PRKCA: variants seen among roughly 807,000 people sequenced by gnomAD.
The protein encoded by PRKCA is protein kinase C alpha type.
PRKCA carries 27 observed loss-of-function variants against 87.0 expected under a neutral mutation model. The ratio of observed to expected loss-of-function variants is 0.31; its 90% confidence interval spans 0.23 to 0.43. PRKCA has a LOEUF of 0.43. PRKCA is among the 20% of genes least tolerant of loss of function. The probability of loss-of-function intolerance (pLI) is 1.00; values close to 1 mark genes in which losing one functional copy is unlikely to be tolerated. For missense variants in PRKCA, 518 were observed against 852.3 expected, an observed-to-expected ratio of 0.61 and a Z score of 4.88; for synonymous variants, 329 against 311.1, an observed-to-expected ratio of 1.06 and a Z score of -0.61.
In PRKCA at chr17:66,477,207, G is replaced by A. The variant is rs147560774; in HGVS notation, c.206-18994G>A. Among the ~76,000 whole-genome samples the A allele has an allele frequency of 1.5e-3, 233 of 152,190 alleles. 1 individual carries two copies. Among genetic ancestry groups the A allele is most frequent in the African/African-American group, 5.2e-3 (216 of 41,534 alleles). On this transcript the variant is annotated intron_variant, in intron 2 of 16. Coordinates refer to ENST00000413366, the MANE Select transcript of PRKCA (RefSeq NM_002737.3). ...TAGACCAGAACATTTAGCACAAAGCGAAACCCACAGAAACTTCAAAAGGAA... is the reference window on the plus strand; with the variant it reads ...TAGACCAGAACATTTAGCACAAAGCAAAACCCACAGAAACTTCAAAAGGAA...
chr17:66,429,358 G>T (rs1015332166), intron 2 of PRKCA, among the ~76,000 whole-genome samples: 4 of 151,992 alleles, frequency 2.6e-5, no homozygotes, highest in Non-Finnish European at 5.9e-5. Flanking sequence ...GCATACATGG[G>T]GTTTTACTTT....
rs75790180 is a variant in PRKCA, at chr17:66,326,207, A to G, written c.205+20080A>G. Among the ~76,000 whole-genome samples, 494 of 152,214 alleles carry G rather than the reference A, an allele frequency of 3.2e-3. 1 individual carries two copies. The highest frequency in any genetic ancestry group is 0.011 in the African/African-American group (474 of 41,510). On this transcript the variant is annotated intron_variant, in intron 2 of 16. Coordinates refer to ENST00000413366, the MANE Select transcript of PRKCA (RefSeq NM_002737.3). ...TGACTGGGTTAGTGTTTGAATGTAG[A>G]GCTTCATACTCGTTCATTTTGTTTT...
intron 2 of PRKCA, among the ~76,000 whole-genome samples, chr17:66,313,242 G>T (rs1376286721): frequency 6.6e-6 from 1 of 152,130 alleles, no homozygotes; most frequent in Non-Finnish European, 1.5e-5. Context: ...TTCATAACCA[G>T]AAAGATCACA....
intron 3 of PRKCA, among the ~76,000 whole-genome samples, chr17:66,572,205 G>A (rs1303904609): frequency 2.0e-5 from 3 of 152,212 alleles, no homozygotes; most frequent in Non-Finnish European, 4.4e-5. Context: ...GGTGGCGCAC[G>A]CCTGTAATCC....
chr17:66,775,067 C>T, intron 14 of PRKCA: 1 of 985,448 alleles, frequency 1.0e-6, no homozygotes. Context: ...TGTCCTCATG[C>T]TCTAGGCTGA....
intron 3 of PRKCA, among the ~76,000 whole-genome samples, chr17:66,607,567 A>G (rs1472125772): frequency 1.3e-5 from 2 of 152,228 alleles, no homozygotes; most frequent in Non-Finnish European, 2.9e-5. Flanking sequence ...ATTGATCCCA[A>G]AGAATGTGCG....
chr17:66,472,301 T>G (rs1567846677), intron 2 of PRKCA, among the ~76,000 whole-genome samples: 1 of 152,164 alleles, frequency 6.6e-6, no homozygotes. Flanking sequence ...GAGTGGTACC[T>G]TCTAGACATC....
In PRKCA at chr17:66,634,485, G is replaced by C. The variant is rs533994114; in HGVS notation, c.289-6870G>C. On this transcript the variant is annotated intron_variant, in intron 3 of 16. Coordinates refer to ENST00000413366, the MANE Select transcript of PRKCA (RefSeq NM_002737.3). ...TAAAAAGGAAAATGTTATTAACTTGGTAATAGTGAAGACTTGGTGTGCACC... is the reference window on the plus strand; with the variant it reads ...TAAAAAGGAAAATGTTATTAACTTGCTAATAGTGAAGACTTGGTGTGCACC... 2.0e-5 allele frequency among the ~76,000 whole-genome samples: 3 copies of C among 152,342 alleles called. No individual in the cohort carries two copies. The South Asian group carries it at 6.2e-4, about 32-fold the overall frequency.
intron 3 of PRKCA, among the ~76,000 whole-genome samples, chr17:66,634,943 T>C (rs1971112965): frequency 6.6e-6 from 1 of 152,158 alleles, no homozygotes; most frequent in Non-Finnish European, 1.5e-5. Context: ...TTATCATAAG[T>C]GGCAGAATAT....
chr17:66,519,725 G>A (rs369204586), intron 3 of PRKCA, among the ~76,000 whole-genome samples: 7 of 152,164 alleles, frequency 4.6e-5, no homozygotes, highest in African/African-American at 2.4e-5. Context: ...CTCAGCATCA[G>A]TATCACCTGG....
intron 3 of PRKCA, among the ~76,000 whole-genome samples, chr17:66,617,946 A>C (rs1234231276): frequency 6.6e-6 from 1 of 152,180 alleles, no homozygotes; most frequent in African/African-American, 2.4e-5. Context: ...TGTCATGAAA[A>C]TTTAGTTGCC....
intron 3 of PRKCA, among the ~76,000 whole-genome samples, chr17:66,636,817 C>G (rs17760245): frequency 6.6e-6 from 1 of 152,082 alleles, no homozygotes; most frequent in African/African-American, 2.4e-5. Context: ...AAGGTAAGAG[C>G]TTGTGCCGGG....
At chr17:66,361,821 C>T (rs1349923166) in intron 2 of PRKCA, among the ~76,000 whole-genome samples, 1 of 152,152 alleles carries the variant, frequency 6.6e-6, no homozygotes, top group African/African-American at 2.4e-5. Context: ...GTTAATATTT[C>T]CTGAACATGT....
intron 4 of PRKCA, among the ~76,000 whole-genome samples, chr17:66,644,796 A>T (rs1290664845): frequency 6.6e-6 from 1 of 152,112 alleles, no homozygotes; most frequent in Non-Finnish European, 1.5e-5. Flanking sequence ...CTCAGTGGTA[A>T]GCCCAGAATG....
At chr17:66,726,639 G>A (rs2144179906) in intron 8 of PRKCA, among the ~76,000 whole-genome samples, 1 of 152,238 alleles carries the variant, frequency 6.6e-6, no homozygotes, top group South Asian at 2.1e-4. Flanking sequence ...GAGAGACAGA[G>A]CAGAGCGAGT....
intron 2 of PRKCA, among the ~76,000 whole-genome samples, chr17:66,448,435 C>T (rs891458022): frequency 6.6e-6 from 1 of 152,144 alleles, no homozygotes; most frequent in Non-Finnish European, 1.5e-5. Context: ...TTCTTGAGCC[C>T]TATTAGGCTC....
At chr17:66,748,611 T>A (rs1389141823) in intron 13 of PRKCA, among the ~76,000 whole-genome samples, 1 of 152,146 alleles carries the variant, frequency 6.6e-6, no homozygotes, top group Non-Finnish European at 1.5e-5. Context: ...TGGGACTTGA[T>A]GATCCCTGAG....
At position 66,418,720 on chromosome 17, in the gene PRKCA, G is replaced by A. The variant is rs151126569; in HGVS notation, c.206-77481G>A. ...CTAAAGTGCGGGATTATAGGCACGA[G>A]CCACTGCTCCCAGCCGGTTTCAGCG... On this transcript the variant is annotated intron_variant, in intron 2 of 16. Coordinates refer to ENST00000413366, the MANE Select transcript of PRKCA (RefSeq NM_002737.3). Among the ~76,000 whole-genome samples, 4 of 151,874 alleles carry A rather than the reference G, an allele frequency of 2.6e-5. 1 individual carries two copies. The East Asian group carries it at 7.8e-4, about 30-fold the overall frequency.
chr17:66,324,466 A>T (rs1028029395), intron 2 of PRKCA, among the ~76,000 whole-genome samples: 8 of 149,388 alleles, frequency 5.4e-5, no homozygotes, highest in Non-Finnish European at 1.0e-4. Context: ...AAAAAAAAAA[A>T]GCTGGGCATG....
Sources: gnomAD v4.1 joint callset for allele counts (sites outside exome capture counted in the v4.1 genomes callset) on GRCh38, gnomAD v4.1.1 for gene constraint, MANE v1.5 for transcripts, NCBI Gene and HGNC (gene_info 2026-07-23, HGNC 2026-07-21) for gene names.